TAOK2: variants seen among roughly 807,000 people sequenced by gnomAD.
The protein encoded by TAOK2 is serine/threonine-protein kinase TAO2.
TAOK2 carries 42 observed loss-of-function variants against 122.5 expected under a neutral mutation model. The ratio of observed to expected loss-of-function variants is 0.34; its 90% CI spans 0.27 to 0.44. The LOEUF is 0.44. TAOK2 is among the 20% of genes least tolerant of loss of function. The pLI, the probability that TAOK2 is intolerant of heterozygous loss-of-function variation, is 1.00. For missense variants in TAOK2, 1,264 were observed against 1,644.9 expected, an observed-to-expected ratio of 0.77 and a Z score of 4.01; for synonymous variants, 704 against 677.6, an observed-to-expected ratio of 1.04 and a Z score of -0.61.
chr16:29,975,179 C>A (rs1007137473), intron 1 of TAOK2, among the ~76,000 whole-genome samples: 5 of 152,120 alleles, frequency 3.3e-5, no homozygotes, highest in Non-Finnish European at 4.4e-5. Context: ...GCTGCAGTTA[C>A]CTTCCAACCT....
chr16:29,985,843 C>A lies in TAOK2; in HGVS notation c.1974C>A (p.Asp658Glu), dbSNP rs1327843933. 2.5e-6 allele frequency: 4 copies of A among 1,611,642 alleles called. No homozygotes were observed. The highest frequency in any genetic ancestry group is 2.7e-5 in the African/African-American group (2 of 74,934). ...RKMLLARHSLDQDLLREDLNK... is the reference protein window; with the variant it reads ...RKMLLARHSLEQDLLREDLNK... ...TGTTGCTGGCTCGGCACAGCCTGGA[C>A]CAGGACCTGCTGCGGGAGGTAGGCA... is the stretch of plus-strand genomic sequence containing the variant. Residue 658 changes from aspartate (D) to glutamate (E), a missense_variant, in exon 15 of 16, where the codon GAC (aspartate) becomes GAA (glutamate). Asp to Glu is a conservative substitution (Grantham distance 45). Coordinates refer to ENST00000308893, the MANE Select transcript of TAOK2 (RefSeq NM_016151.4). This position sits in a 1 kb window ranked among gnomAD's most constrained non-coding sequence, Gnocchi z 6.9.
At chr16:29,977,042 T>A (rs1277034980) in intron 1 of TAOK2, among the ~76,000 whole-genome samples, 1 of 152,224 alleles carries the variant, frequency 6.6e-6, no homozygotes, top group Non-Finnish European at 1.5e-5. Context: ...ATGTTATTTG[T>A]ACCCTGCAAA....
At chr16:29,981,169 T>C (rs1006062538) in intron 8 of TAOK2, 4 of 214,580 alleles carry the variant, frequency 1.9e-5, no homozygotes, top group African/African-American at 2.3e-5. Context: ...CCTGAAGATA[T>C]GCTAGCTTGA....
chr16:29,991,881 T>C (rs1041378997), downstream of TAOK2: 31 of 288,266 alleles, frequency 1.1e-4, no homozygotes, highest in African/African-American at 6.4e-4. The surrounding 1 kb of genome is among the most constrained non-coding windows in gnomAD (Gnocchi z 5.6). Context: ...AGGGGAAGGG[T>C]GGGTCTAGAC....
Position 29,987,589 on chromosome 16 carries a change from T to C in TAOK2, c.3317T>C (p.Val1106Ala). Residue 1106 changes from valine (V) to alanine (A), a missense_variant, in exon 16 of 16, where the codon GTG (valine) becomes GCG (alanine). Val to Ala is a moderately conservative substitution (Grantham distance 64, BLOSUM62 0). This residue lies in a region of TAOK2 where 824 missense variants were observed against 908.7 expected (regional missense o/e 0.91). Coordinates refer to ENST00000308893, the MANE Select transcript of TAOK2 (RefSeq NM_016151.4). ...AFRALQGCGA[V>A]GDRGLFALYP... is the part of the protein sequence containing the mutation. ...CGGGCCCTGCAGGGCTGTGGGGCTGTGGGGGACCGGGGTCTGTTTGCACTG... is the reference window on the plus strand; with the variant it reads ...CGGGCCCTGCAGGGCTGTGGGGCTGCGGGGGACCGGGGTCTGTTTGCACTG... 1 of 1,612,596 alleles carries C rather than the reference T, an allele frequency of 6.2e-7. No homozygotes were observed. The highest frequency in any genetic ancestry group is 8.5e-7 in the Non-Finnish European group (1 of 1,179,082).
chr16:29,983,417 CTCTGAG>C (rs2069682042), intron 12 of TAOK2, 80 bp from the exon 13 acceptor site: 3 of 1,561,306 alleles, frequency 1.9e-6, no homozygotes, highest in Non-Finnish European at 2.6e-6. Context: ...TGCAGCACTC[CTCTGAG>C]TCTGATTGGC....
At chr16:29,991,147 G>T (rs753323706), downstream of TAOK2, 1 of 1,610,814 alleles carries the variant, frequency 6.2e-7, no homozygotes, top group Non-Finnish European at 8.5e-7. This position sits in a 1 kb window ranked among gnomAD's most constrained non-coding sequence, Gnocchi z 5.6. Flanking sequence ...GATGCGGAAA[G>T]CATGAGGCTG....
At position 29,977,748 on chromosome 16, in the gene TAOK2, A is replaced by C. The variant is rs1596595195; in HGVS notation, c.-25A>C. On this transcript the variant is annotated 5_prime_UTR_variant, in exon 2 of 16. Coordinates refer to ENST00000308893, the MANE Select transcript of TAOK2 (RefSeq NM_016151.4). Reference sequence around the variant, plus strand: ...ATTTCCATTCCTCAGGCCAGGCCCCACTCTCAGGGCCCCCAGGGGCCACCA... The same window carrying C: ...ATTTCCATTCCTCAGGCCAGGCCCCCCTCTCAGGGCCCCCAGGGGCCACCA... The C allele has an allele frequency of 6.2e-7, 1 of 1,612,704 alleles. No individual in the cohort carries two copies. The highest frequency in any genetic ancestry group is 1.1e-5 in the South Asian group (1 of 90,990).
At position 29,979,666 on chromosome 16, in the gene TAOK2, A is replaced by G. The variant is rs2069559503; in HGVS notation, c.655+158A>G. ...GGAGCCCAATACAGGCAGCTGGCAA[A>G]TTCTGCCAGCTCTTAGGCCTAGAGA... is the stretch of plus-strand genomic sequence containing the variant. On this transcript the variant is annotated intron_variant, in intron 8 of 15. Coordinates refer to ENST00000308893, the MANE Select transcript of TAOK2 (RefSeq NM_016151.4). This position sits in a 1 kb window ranked among gnomAD's most constrained non-coding sequence, Gnocchi z 4.1. 6.6e-6 allele frequency among the ~76,000 whole-genome samples: 1 copy of G among 152,058 alleles called. No homozygotes were observed. The highest frequency in any genetic ancestry group is 2.4e-5 in the African/African-American group (1 of 41,372).
chr16:29,984,399 CAT>C (rs777862453), intron 13 of TAOK2, among the ~76,000 whole-genome samples: 1 of 152,180 alleles, frequency 6.6e-6, no homozygotes, highest in Non-Finnish European at 1.5e-5. Flanking sequence ...TTTCATAAAA[CAT>C]AGTTTTTCAT....
intron 4 of TAOK2, 47 bp downstream of exon 4, chr16:29,978,400 C>T (rs2069520189): frequency 6.3e-7 from 1 of 1,581,570 alleles, no homozygotes; most frequent in Non-Finnish European, 8.7e-7. Flanking sequence ...CTATTCATGC[C>T]CGTCCTTATC....
intron 5 of TAOK2, 27 bp from the exon 6 acceptor site, chr16:29,978,947 G>A (rs1275900115): frequency 3.1e-6 from 5 of 1,613,928 alleles, no homozygotes; most frequent in Admixed American, 3.3e-5. Context: ...GCGCTCCCTC[G>A]GGTTGATGTT....
At chr16:29,982,064 C>T (rs1424513302) in intron 10 of TAOK2, 124 bp downstream of exon 10, 1 of 774,702 alleles carries the variant, frequency 1.3e-6, no homozygotes, top group African/African-American at 1.7e-5. Context: ...AATTCCCACC[C>T]CATCCCCAAT....
Position 29,979,220 on chromosome 16 carries a change from C to T in TAOK2, c.475C>T (p.Leu159=). 1 of 1,614,222 alleles carries T rather than the reference C, an allele frequency of 6.2e-7. No homozygotes were observed. The highest frequency in any genetic ancestry group is 1.1e-5 in the South Asian group (1 of 91,086). ...HRDVKAGNIL[L]SEPGLVKLGD... is the part of the protein sequence containing the mutation. The stretch of plus-strand genomic sequence containing the variant: ...GGATGTGAAGGCTGGAAACATCCTG[C>T]TGTCAGAGCCAGGGTTAGTGAAGCT... The change falls in exon 7 of 16, where the codon CTG becomes TTG. Residue 159 remains leucine, a synonymous_variant. Transcript: ENST00000308893. The surrounding 1 kb of genome is among the most constrained non-coding windows in gnomAD (Gnocchi z 4.1).
chr16:29,975,582 T>C (rs910308610), intron 1 of TAOK2, among the ~76,000 whole-genome samples: 14 of 152,216 alleles, frequency 9.2e-5, no homozygotes, highest in African/African-American at 3.4e-4. Flanking sequence ...AGCCTCTGGC[T>C]TTTGCCTCTG....
chr16:29,982,692 G>A (rs376474627), intron 10 of TAOK2, 42 bp from the exon 11 acceptor site: 16 of 1,589,898 alleles, frequency 1.0e-5, no homozygotes, highest in African/African-American at 4.0e-5. Context: ...GTTGTGGGGG[G>A]AAGGGGAGTT....
At chr16:29,990,969 A>T (rs2069952446), downstream of TAOK2, 1 of 1,609,814 alleles carries the variant, frequency 6.2e-7, no homozygotes, top group South Asian at 1.1e-5. Flanking sequence ...AGCAGCGGGT[A>T]AGGGGCCCAG....
At position 29,980,623 on chromosome 16, in the gene TAOK2, G is replaced by A. The variant is rs909274990; in HGVS notation, c.656-1038G>A. ...TCTGCCCGAGGTCAGAGATTTGGAC[G>A]AGCCCTTCTCCTCCATCTTCACAGT... On this transcript the variant is annotated intron_variant, in intron 8 of 15. Transcript: ENST00000308893. 3.9e-5 allele frequency: 6 copies of A among 152,198 alleles called. 1 individual carries two copies. The highest frequency in any genetic ancestry group is 2.0e-4 in the Admixed American group (3 of 15,300). 9.4% of individuals were successfully genotyped at this position (152,198 alleles called of 1,614,324 possible).
Position 29,985,816 on chromosome 16 carries a change from G to A in TAOK2, c.1947G>A (p.Lys649=), listed in dbSNP as rs1422610391. Residue 649 remains lysine, a synonymous_variant, in exon 15 of 16, where the codon AAG becomes AAA. Coordinates refer to ENST00000308893, the MANE Select transcript of TAOK2 (RefSeq NM_016151.4). This position sits in a 1 kb window ranked among gnomAD's most constrained non-coding sequence, Gnocchi z 6.9. ...FELQCRQYKR[K]MLLARHSLDQ... ...TGCAGTGTCGCCAGTACAAGCGCAA[G>A]ATGTTGCTGGCTCGGCACAGCCTGG... The A allele has an allele frequency of 6.2e-7, 1 of 1,611,930 alleles. No homozygotes were observed. The highest frequency in any genetic ancestry group is 1.7e-5 in the Admixed American group (1 of 60,000).
Sources: allele counts gnomAD v4.1 joint callset (sites outside exome capture counted in the v4.1 genomes callset), GRCh38; gene constraint gnomAD v4.1.1; regional missense constraint gnomAD v4.1.1; non-coding constraint Gnocchi (gnomAD v3.1); transcripts MANE v1.5; gene names NCBI Gene and HGNC (gene_info 2026-07-23, HGNC 2026-07-21).